CDA: variants seen among roughly 807,000 people sequenced by gnomAD.
CDA encodes cytidine deaminase, also known as cytidine aminohydrolase.
Under a neutral mutation model 15.0 loss-of-function variants are expected in CDA, and 7 were observed. That is an observed-to-expected ratio of 0.47 (90% confidence interval 0.26 to 0.87). CDA has a LOEUF of 0.87. Among genes scored for constraint, CDA ranks in the 40% least tolerant of loss-of-function variants. CDA has a pLI of 0.15. For missense variants in CDA, 159 were observed against 182.7 expected, an observed-to-expected ratio of 0.87 and a Z score of 0.75; for synonymous variants, 58 against 73.0, an observed-to-expected ratio of 0.79 and a Z score of 1.05.
intron 2 of CDA, among the ~76,000 whole-genome samples, chr1:20,606,410 AT>A (rs1332517385): frequency 6.6e-6 from 1 of 151,994 alleles, no homozygotes; most frequent in East Asian, 1.9e-4. Flanking sequence ...TTTATAGCTG[AT>A]GAAATTGAGG....
chr1:20,617,445 G>A, intron 3 of CDA, among the ~76,000 whole-genome samples: 1 of 152,150 alleles, frequency 6.6e-6, no homozygotes, highest in Non-Finnish European at 1.5e-5. Flanking sequence ...ATTCCCACAT[G>A]TCATGGGAGG....
At chr1:20,604,340 C>G (rs886302244) in intron 1 of CDA, among the ~76,000 whole-genome samples, 1 of 152,184 alleles carries the variant, frequency 6.6e-6, no homozygotes, top group African/African-American at 2.4e-5. Context: ...TAGTCATAGA[C>G]GGTGACTCCT....
At chr1:20,599,934 G>A (rs575328119) in intron 1 of CDA, among the ~76,000 whole-genome samples, 3 of 152,314 alleles carry the variant, frequency 2.0e-5, no homozygotes, top group African/African-American at 7.2e-5. Context: ...AAGCCAGTGA[G>A]CCTCAAAGAG....
intron 1 of CDA, among the ~76,000 whole-genome samples, chr1:20,599,558 A>G (rs142482928): frequency 0.12 from 17,705 of 149,582 alleles, 1,122 homozygotes; most frequent in Admixed American, 0.17. Flanking sequence ...CAGAGGTTGC[A>G]GTGAGCCGAA....
At chr1:20,591,330 G>T (rs1169384372) in intron 1 of CDA, among the ~76,000 whole-genome samples, 1 of 151,966 alleles carries the variant, frequency 6.6e-6, no homozygotes, top group African/African-American at 2.4e-5. Flanking sequence ...GACAGAGCGA[G>T]ACTCTGTCTC....
At chr1:20,601,416 G>GA (rs1268524064) in intron 1 of CDA, among the ~76,000 whole-genome samples, 3 of 152,170 alleles carry the variant, frequency 2.0e-5, no homozygotes, top group African/African-American at 7.2e-5. Context: ...TTCCTCAGGG[G>GA]AAAAAATGTA....
intron 3 of CDA, 111 bp downstream of exon 3, chr1:20,614,010 A>T: frequency 2.1e-6 from 2 of 956,124 alleles, no homozygotes; most frequent in Non-Finnish European, 1.7e-6. Flanking sequence ...AGACACAGCT[A>T]CTGTCCTGTT....
chr1:20,609,922 A>G (rs773512578), intron 2 of CDA, among the ~76,000 whole-genome samples: 7 of 152,198 alleles, frequency 4.6e-5, no homozygotes, highest in Non-Finnish European at 8.8e-5. Flanking sequence ...ATCCCATGGA[A>G]CAGAACCTTT....
intron 2 of CDA, among the ~76,000 whole-genome samples, chr1:20,608,105 G>C (rs2052710984): frequency 1.3e-5 from 2 of 152,190 alleles, no homozygotes; most frequent in South Asian, 4.1e-4. Context: ...GCAGGGTAGA[G>C]GGAGAAAGGG....
chr1:20,611,449 C>T lies in CDA; in HGVS notation c.267-2393C>T, dbSNP rs552462141. ...AGGCTGGAGTGCAGTGGCACCATCT[C>T]GGCTTACTGCAACCCCCGCCTCCCG... On this transcript the variant is annotated intron_variant, in intron 2 of 3. Coordinates refer to ENST00000375071, the MANE Select transcript of CDA (RefSeq NM_001785.3). Among the ~76,000 whole-genome samples, 4 of 152,234 alleles carry T rather than the reference C, an allele frequency of 2.6e-5. No homozygotes were observed. The South Asian group carries it at 8.3e-4, about 32-fold the overall frequency.
intron 1 of CDA, among the ~76,000 whole-genome samples, chr1:20,597,233 G>A (rs546444711): frequency 9.2e-5 from 14 of 152,276 alleles, no homozygotes; most frequent in African/African-American, 3.4e-4. Context: ...TGGATCATGA[G>A]GTCAGAAGAT....
intron 1 of CDA, 118 bp downstream of exon 1, chr1:20,589,401 C>T: frequency 1.0e-6 from 1 of 975,716 alleles, no homozygotes; most frequent in Non-Finnish European, 1.6e-6. Flanking sequence ...TCTGTCCCTT[C>T]TTCCCCCAGT....
At chr1:20,590,261 G>A (rs1243650819) in intron 1 of CDA, among the ~76,000 whole-genome samples, 1 of 152,196 alleles carries the variant, frequency 6.6e-6, no homozygotes, top group African/African-American at 2.4e-5. Flanking sequence ...ACCCTGAAAG[G>A]CAGAGAAGGA....
intron 3 of CDA, among the ~76,000 whole-genome samples, chr1:20,614,742 TG>T (rs1422321803): frequency 6.6e-6 from 1 of 152,062 alleles, no homozygotes; most frequent in Non-Finnish European, 1.5e-5. Context: ...AGCTAGGGCC[TG>T]GTAGGTGGAA....
intron 2 of CDA, among the ~76,000 whole-genome samples, chr1:20,613,579 C>T (rs534554469): frequency 3.1e-4 from 47 of 152,282 alleles, no homozygotes; most frequent in African/African-American, 9.6e-4. Context: ...TTTGTATTCC[C>T]GGGTGTGGGT....
intron 1 of CDA, among the ~76,000 whole-genome samples, chr1:20,592,860 A>G (rs1390413560): frequency 6.6e-6 from 1 of 152,220 alleles, no homozygotes; most frequent in Non-Finnish European, 1.5e-5. Flanking sequence ...TGGGAGGATG[A>G]GGCTGGAGGA....
chr1:20,612,695 C>G (rs2052763525), intron 2 of CDA, among the ~76,000 whole-genome samples: 2 of 151,820 alleles, frequency 1.3e-5, no homozygotes, highest in Admixed American at 1.3e-4. Context: ...GGCGGGGTGG[C>G]TCATGCCTGG....
chr1:20,605,609 G>A (rs1201126736), intron 2 of CDA, among the ~76,000 whole-genome samples: 1 of 121,088 alleles, frequency 8.3e-6, no homozygotes, highest in Admixed American at 8.0e-5. Context: ...GCAGTGAGCC[G>A]AGATGGCGCC....
chr1:20,605,413 A>G (rs2052685858), intron 2 of CDA, among the ~76,000 whole-genome samples: 1 of 151,732 alleles, frequency 6.6e-6, no homozygotes, highest in African/African-American at 2.4e-5. Context: ...TAATCCCAGC[A>G]CTTTGGGAGG....
Sources: allele counts gnomAD v4.1 joint callset (sites outside exome capture counted in the v4.1 genomes callset), GRCh38; gene constraint gnomAD v4.1.1; transcripts MANE v1.5; gene names NCBI Gene and HGNC (gene_info 2026-07-23, HGNC 2026-07-21).